Variants in RBM47 observed in about 807,000 individuals in gnomAD.
RBM47 encodes RNA-binding protein 47.
In RBM47, 21 loss-of-function variants were observed where a neutral mutation model predicts 47.1. The observed-to-expected ratio is 0.45, with a 90% CI of 0.32 to 0.64. RBM47 has a LOEUF of 0.64. RBM47 is among the 30% of genes least tolerant of loss of function. The pLI, the probability that RBM47 is intolerant of heterozygous loss-of-function variation, is 0.05. For missense variants in RBM47, 708 were observed against 870.9 expected (o/e 0.81, Z 2.35); for synonymous variants, 375 against 361.7 (o/e 1.04, Z -0.42).
chr4:40,540,009 T>C (rs1477569420), intron 2 of RBM47, among the ~76,000 whole-genome samples: 2 of 152,176 alleles, frequency 1.3e-5, no homozygotes, highest in African/African-American at 4.8e-5. Context: ...AATGAAAATC[T>C]AGGCTATGAT....
At chr4:40,599,861 G>GAGAT (rs1210566404) in intron 1 of RBM47, among the ~76,000 whole-genome samples, 2 of 152,258 alleles carry the variant, frequency 1.3e-5, no homozygotes, top group Admixed American at 6.5e-5. Context: ...TCCAAATCAT[G>GAGAT]AGATAGTAGG....
chr4:40,535,600 G>A (rs571064055), intron 2 of RBM47, among the ~76,000 whole-genome samples: 6 of 147,258 alleles, frequency 4.1e-5, no homozygotes, highest in East Asian at 2.0e-4. Context: ...TAGCCCTGTC[G>A]CCCAGGCTGG....
Position 40,423,717 on chromosome 4 carries a change from C to T in RBM47, c.*2187G>A, listed in dbSNP as rs1577576128. 2.8e-5 allele frequency: 3 copies of T among 107,570 alleles called. No individual in the cohort carries two copies. Among genetic ancestry groups the T allele is most frequent in the African/African-American group, 1.2e-4 (3 of 25,870 alleles). 6.7% of individuals were successfully genotyped at this position (107,570 alleles called of 1,614,324 possible). A position where few individuals can be genotyped will look rare whatever the true frequency, so the allele number is the denominator to read the frequency against. Reference sequence around the variant, plus strand: ...CTTTCTTTCTTTCTTTCTTTCTTTTCTTTCTTTTCTTTCTTCCTCTTCTTC... The same window carrying T: ...CTTTCTTTCTTTCTTTCTTTCTTTTTTTTCTTTTCTTTCTTCCTCTTCTTC... On this transcript the variant is annotated 3_prime_UTR_variant, in exon 7 of 7. Coordinates refer to ENST00000295971, the MANE Select transcript of RBM47 (RefSeq NM_001098634.2).
At chr4:40,512,659 G>A (rs1725089502) in intron 2 of RBM47, among the ~76,000 whole-genome samples, 1 of 147,310 alleles carries the variant, frequency 6.8e-6, no homozygotes, top group Admixed American at 6.9e-5. Flanking sequence ...AGGTTGCAGT[G>A]AGCCGAGATT....
In RBM47 at chr4:40,469,433, A is replaced by AT. The variant is rs55864514; in HGVS notation, c.-154-2735dup. 8.3e-3 allele frequency among the ~76,000 whole-genome samples: 1,070 copies of AT among 128,770 alleles called. 7 individuals are homozygous for AT. The highest frequency in any genetic ancestry group is 0.017 in the African/African-American group (590 of 34,850). 84.5% of individuals were successfully genotyped at this position (128,770 alleles called of 152,430 possible). ...AACTCCAAACACAATCCATTCCATA[A>AT]TTTTTTTTTTTTTTTTTTGAGATGG... On this transcript the variant is annotated intron_variant, in intron 2 of 6. Transcript: ENST00000295971.
intron 3 of RBM47, among the ~76,000 whole-genome samples, chr4:40,463,460 T>C (rs185824198): frequency 1.4e-3 from 215 of 152,260 alleles, no homozygotes; most frequent in Non-Finnish European, 2.6e-3. Flanking sequence ...GGAAAAAGTA[T>C]GGTGGTGCTT....
intron 1 of RBM47, among the ~76,000 whole-genome samples, chr4:40,590,741 T>C (rs1314178064): frequency 6.6e-6 from 1 of 152,208 alleles, no homozygotes; most frequent in Non-Finnish European, 1.5e-5. Flanking sequence ...TGCCATAACA[T>C]GGATGGACTG....
At chr4:40,551,625 G>A (rs902655576) in intron 1 of RBM47, among the ~76,000 whole-genome samples, 1 of 151,570 alleles carries the variant, frequency 6.6e-6, no homozygotes. Context: ...GAGGGAGGGA[G>A]GGAGAATCAA....
intron 2 of RBM47, among the ~76,000 whole-genome samples, chr4:40,494,440 C>T (rs868016812): frequency 2.8e-4 from 43 of 152,164 alleles, no homozygotes; most frequent in Admixed American, 3.3e-4. Flanking sequence ...GTCCTCAGAG[C>T]AATATCTTGC....
intron 1 of RBM47, among the ~76,000 whole-genome samples, chr4:40,599,770 G>A (rs1735076290): frequency 6.6e-6 from 1 of 150,622 alleles, no homozygotes; most frequent in South Asian, 2.1e-4. Context: ...AGCCAGACTA[G>A]CCACAAGTTG....
intron 1 of RBM47, among the ~76,000 whole-genome samples, chr4:40,546,385 T>A (rs1489324911): frequency 6.6e-6 from 1 of 152,008 alleles, no homozygotes; most frequent in Non-Finnish European, 1.5e-5. Context: ...CCTGACCTCA[T>A]GTGATCCACC....
At chr4:40,495,949 G>T (rs1375451013) in intron 2 of RBM47, among the ~76,000 whole-genome samples, 2 of 152,120 alleles carry the variant, frequency 1.3e-5, no homozygotes, top group Non-Finnish European at 2.9e-5. Flanking sequence ...GCCCTGAAAA[G>T]CTCTCTTGCC....
intron 1 of RBM47, among the ~76,000 whole-genome samples, chr4:40,550,354 G>A (rs1324528381): frequency 6.6e-6 from 1 of 152,182 alleles, no homozygotes; most frequent in African/African-American, 2.4e-5. Flanking sequence ...CATCTTGATT[G>A]GGGTAGTGGT....
At chr4:40,460,214 G>GTTTTTT (rs5857730) in intron 3 of RBM47, among the ~76,000 whole-genome samples, 3 of 143,184 alleles carry the variant, frequency 2.1e-5, no homozygotes, top group Non-Finnish European at 3.1e-5. Flanking sequence ...TTCCATCACT[G>GTTTTTT]TTTTTTTTTT....
chr4:40,535,371 C>CTTTTTTTTTTTTTTTTTATTTT (rs1553897873), intron 2 of RBM47, among the ~76,000 whole-genome samples: 1 of 103,432 alleles, frequency 9.7e-6, no homozygotes, highest in Non-Finnish European at 1.9e-5. Context: ...TATGGTATTT[C>CTTTTTTTTTTTTTTTTTATTTT]TTTTTTTTTT....
intron 2 of RBM47, among the ~76,000 whole-genome samples, chr4:40,508,282 G>A (rs1327549417): frequency 2.0e-5 from 3 of 152,166 alleles, no homozygotes; most frequent in African/African-American, 7.2e-5. Context: ...TCACCTTCTA[G>A]GGTAATTACT....
chr4:40,436,002 CAAAAAAAAA>C (rs11452583), intron 5 of RBM47, among the ~76,000 whole-genome samples: 1 of 111,370 alleles, frequency 9.0e-6, no homozygotes, highest in East Asian at 2.6e-4. Context: ...ACTAAAAATA[CAAAAAAAAA>C]AAAAAAAAAA....
chr4:40,595,274 C>T (rs908846829), intron 1 of RBM47, among the ~76,000 whole-genome samples: 2 of 151,776 alleles, frequency 1.3e-5, no homozygotes, highest in Non-Finnish European at 2.9e-5. Context: ...GGCAGCAGAT[C>T]ACTTGAGGTC....
intron 3 of RBM47, among the ~76,000 whole-genome samples, chr4:40,450,432 G>GA (rs758132718): frequency 1.6e-3 from 235 of 144,080 alleles, no homozygotes; most frequent in African/African-American, 3.3e-3. Context: ...TGTCTCTACT[G>GA]AAAAAAAAAA....
Sources: allele counts gnomAD v4.1 joint callset (sites outside exome capture counted in the v4.1 genomes callset), GRCh38; gene constraint gnomAD v4.1.1; transcripts MANE v1.5; gene names NCBI Gene and HGNC (gene_info 2026-07-23, HGNC 2026-07-21).